The following PTPRR variants were observed in gnomAD, a reference collection of about 807,000 sequenced individuals.
The protein encoded by PTPRR is protein tyrosine phosphatase receptor type R, also known as receptor-type tyrosine-protein phosphatase R.
PTPRR carries 38 observed loss-of-function variants against 77.2 expected under a neutral mutation model. That is an observed-to-expected ratio of 0.49 (90% CI 0.38 to 0.65). The LOEUF is 0.65. PTPRR is among the 30% of genes least tolerant of loss of function. PTPRR has a pLI of 0.00. For synonymous variants in PTPRR, 299 were observed against 283.1 expected (o/e 1.06, Z -0.57); for missense variants, 744 against 799.2 (o/e 0.93, Z 0.83).
chr12:70,669,589 A>AC (rs1566056586), intron 10 of PTPRR, among the ~76,000 whole-genome samples: 23 of 102,890 alleles, frequency 2.2e-4, no homozygotes, highest in African/African-American at 6.5e-4. Context: ...CACACACACA[A>AC]GCTTGCACAC....
intron 10 of PTPRR, chr12:70,671,823 A>G: frequency 1.8e-6 from 1 of 562,750 alleles, no homozygotes; most frequent in Non-Finnish European, 3.2e-6. Flanking sequence ...AGCTGCAGTC[A>G]TTGGTGCCAG....
intron 5 of PTPRR, among the ~76,000 whole-genome samples, chr12:70,752,859 TATGTCC>T (rs1890446803): frequency 6.6e-6 from 1 of 152,178 alleles, no homozygotes; most frequent in African/African-American, 2.4e-5. Flanking sequence ...AACAAGGAAC[TATGTCC>T]TTTAAAACAG....
chr12:70,695,992 A>G (rs141588509), intron 8 of PTPRR, among the ~76,000 whole-genome samples: 49 of 152,310 alleles, frequency 3.2e-4, no homozygotes, highest in Non-Finnish European at 6.0e-4. Flanking sequence ...CTATGAATAT[A>G]AAGAATTTGG....
At position 70,661,115 on chromosome 12, in the gene PTPRR, C is replaced by T; in HGVS notation, c.1609-18G>A. On this transcript the variant is annotated intron_variant, in intron 11 of 13. Transcript: ENST00000283228. The stretch of plus-strand genomic sequence containing the variant: ...CTTCCTTGCTGAAAATAGCAACAGC[C>T]ACCAAATGCCTCATTCACTTGTAGA... 1.9e-6 allele frequency: 3 copies of T among 1,595,594 alleles called. No homozygotes were observed. Among genetic ancestry groups the T allele is most frequent in the East Asian group, 4.5e-5 (2 of 44,454 alleles).
chr12:70,887,417 A>G (rs1344143096), intron 2 of PTPRR, among the ~76,000 whole-genome samples: 1 of 151,670 alleles, frequency 6.6e-6, no homozygotes, highest in Non-Finnish European at 1.5e-5. Flanking sequence ...GCACCACTGC[A>G]CCGTGGCCTG....
At chr12:70,817,989 G>A (rs1007493037) in intron 2 of PTPRR, among the ~76,000 whole-genome samples, 2 of 152,042 alleles carry the variant, frequency 1.3e-5, no homozygotes, top group Admixed American at 6.6e-5. Flanking sequence ...CGAGGAGGTC[G>A]GATCATGAGG....
chr12:70,905,305 T>G (rs1893604485), intron 1 of PTPRR, among the ~76,000 whole-genome samples: 1 of 151,730 alleles, frequency 6.6e-6, no homozygotes, highest in Admixed American at 6.6e-5. Context: ...GATGAAAGGT[T>G]TCAGGAGAAT....
chr12:70,868,482 A>C (rs927466524), intron 2 of PTPRR, among the ~76,000 whole-genome samples: 83 of 152,258 alleles, frequency 5.5e-4, no homozygotes, highest in Non-Finnish European at 1.1e-3. Flanking sequence ...CAAAACCACA[A>C]TGAGATACCA....
At chr12:70,849,989 G>T (rs1302031453) in intron 2 of PTPRR, among the ~76,000 whole-genome samples, 1 of 152,092 alleles carries the variant, frequency 6.6e-6, no homozygotes, top group African/African-American at 2.4e-5. Flanking sequence ...ATTCATTTCA[G>T]TTTTTCTATT....
chr12:70,875,315 TTG>T (rs959371643), intron 2 of PTPRR, among the ~76,000 whole-genome samples: 1 of 152,192 alleles, frequency 6.6e-6, no homozygotes, highest in Non-Finnish European at 1.5e-5. Flanking sequence ...GTACATATTT[TTG>T]TGTGATTGTG....
At chr12:70,763,386 C>A (rs763248102) in intron 3 of PTPRR, among the ~76,000 whole-genome samples, 1 of 152,166 alleles carries the variant, frequency 6.6e-6, no homozygotes, top group Admixed American at 6.5e-5. Flanking sequence ...ACCCTCCTGG[C>A]CTCCCAAAGT....
At chr12:70,816,725 TC>T (rs1300229861) in intron 2 of PTPRR, among the ~76,000 whole-genome samples, 2 of 151,954 alleles carry the variant, frequency 1.3e-5, no homozygotes, top group Non-Finnish European at 2.9e-5. Context: ...AGAAACAGAA[TC>T]TTTTTTTAAT....
At chr12:70,842,112 G>A (rs146300150) in intron 2 of PTPRR, among the ~76,000 whole-genome samples, 128 of 152,208 alleles carry the variant, frequency 8.4e-4, no homozygotes, top group African/African-American at 2.6e-3. Context: ...AAAAATGTAC[G>A]TATGCCCAAC....
intron 8 of PTPRR, among the ~76,000 whole-genome samples, chr12:70,693,238 A>T (rs1255462638): frequency 6.6e-6 from 1 of 152,196 alleles, no homozygotes; most frequent in Non-Finnish European, 1.5e-5. Context: ...TTATGTTGGT[A>T]ATTAGTAACT....
intron 6 of PTPRR, among the ~76,000 whole-genome samples, chr12:70,716,904 G>A (rs1224557563): frequency 6.6e-6 from 1 of 152,128 alleles, no homozygotes; most frequent in Non-Finnish European, 1.5e-5. Context: ...CTATAGATAT[G>A]CAACTGGTAA....
intron 8 of PTPRR, among the ~76,000 whole-genome samples, chr12:70,689,931 T>C (rs1018783027): frequency 1.3e-5 from 2 of 152,206 alleles, no homozygotes; most frequent in African/African-American, 4.8e-5. Flanking sequence ...AGACTTCCCT[T>C]CTTACCACCC....
chr12:70,714,835 A>G (rs1349896507), intron 6 of PTPRR, among the ~76,000 whole-genome samples: 1 of 152,052 alleles, frequency 6.6e-6, no homozygotes, highest in East Asian at 1.9e-4. Flanking sequence ...AAATACAAAA[A>G]TTCGCTGGGC....
Position 70,920,440 on chromosome 12 carries a change from A to G in PTPRR, c.-50T>C. Reference sequence around the variant, plus strand: ...AGAAACTCCACCACGACCCCACTTCAGGTAAAGTGCTATTAGAAAGAGCCA... The same window carrying G: ...AGAAACTCCACCACGACCCCACTTCGGGTAAAGTGCTATTAGAAAGAGCCA... On this transcript the variant is annotated 5_prime_UTR_variant, in exon 1 of 14. Coordinates refer to ENST00000283228, the MANE Select transcript of PTPRR (RefSeq NM_002849.4). 1 of 1,563,578 alleles carries G rather than the reference A, an allele frequency of 6.4e-7. No individual in the cohort carries two copies. Among genetic ancestry groups the G allele is most frequent in the Non-Finnish European group, 8.8e-7 (1 of 1,139,044 alleles).
chr12:70,886,139 T>A (rs1369946924), intron 2 of PTPRR, among the ~76,000 whole-genome samples: 2 of 152,284 alleles, frequency 1.3e-5, no homozygotes, highest in African/African-American at 2.4e-5. Context: ...CATTCCAGCA[T>A]CGTCCTTGCT....
Sources: gnomAD v4.1 joint callset for allele counts (sites outside exome capture counted in the v4.1 genomes callset) on GRCh38, gnomAD v4.1.1 for gene constraint, MANE v1.5 for transcripts, NCBI Gene and HGNC (gene_info 2026-07-23, HGNC 2026-07-21) for gene names.